Variants in MUC3A observed in about 807,000 individuals in gnomAD.
The protein encoded by MUC3A is mucin 3A, cell surface associated.
MUC3A carries 109 observed loss-of-function variants against 109.0 expected under a neutral mutation model. That is an observed-to-expected ratio of 1.00 (90% CI 0.86 to 1.17). The LOEUF is 1.17. Among genes scored for constraint, MUC3A ranks in the 50% most tolerant of loss-of-function variants. The pLI, the probability that MUC3A is intolerant of heterozygous loss-of-function variation, is 0.00. For synonymous variants in MUC3A, 1,398 were observed against 981.4 expected (o/e 1.42, Z -7.93); for missense variants, 3,537 against 2,469.4 (o/e 1.43, Z -9.16).
At chr7:100,963,115 CAGAG>C in intron 3 of MUC3A, 32 bp from the exon 4 acceptor site, 1 of 1,588,984 alleles carries the variant, frequency 6.3e-7, no homozygotes, top group South Asian at 1.1e-5. Context: ...CAAAAGCAGA[CAGAG>C]AAGTGACTGG....
chr7:100,966,375 A>G lies in MUC3A; in HGVS notation c.9612-11A>G, dbSNP rs768228689. 4 of 1,323,804 alleles carry G rather than the reference A, an allele frequency of 3.0e-6. No individual in the cohort carries two copies. Among genetic ancestry groups the G allele is most frequent in the Admixed American group, 3.1e-5 (1 of 32,334 alleles). The allele number at this position is 1,323,804 out of a possible 1,614,324, so 82.0% of individuals were successfully genotyped here. A position where few individuals can be genotyped will look rare whatever the true frequency, so the allele number is the denominator to read the frequency against. On this transcript the variant is annotated splice_polypyrimidine_tract_variant and intron_variant, in intron 8 of 11. Transcript: ENST00000379458. ...GAGGTGAAGAGGGTCTGACCCTGCG[A>G]TCTCCCGCAGCTGCTACTCCACCGA...
At chr7:100,963,069 C>A in intron 3 of MUC3A, 82 bp from the exon 4 acceptor site, 2 of 1,472,790 alleles carry the variant, frequency 1.4e-6, no homozygotes, top group Admixed American at 1.9e-5. Context: ...GCAGGAGGAG[C>A]CTGTGGGTTG....
At position 100,963,202 on chromosome 7, in the gene MUC3A, C is replaced by T. The variant is rs985748159; in HGVS notation, c.9104C>T (p.Ser3035Leu). The T allele has an allele frequency of 1.2e-5, 19 of 1,598,184 alleles. No individual in the cohort carries two copies. Among genetic ancestry groups the T allele is most frequent in the African/African-American group, 5.3e-5 (4 of 74,938 alleles). ...GMEVSVDQQFSPDLNDNTSQA... is the reference protein window; with the variant it reads ...GMEVSVDQQFLPDLNDNTSQA... Reference sequence around the variant, plus strand: ...GAAGTGTCTGTGGATCAGCAGTTCTCGCCGGACCTCAATGACAACACTTCC... The same window carrying T: ...GAAGTGTCTGTGGATCAGCAGTTCTTGCCGGACCTCAATGACAACACTTCC... The change falls in exon 4 of 12, where the codon TCG (serine) becomes TTG (leucine). Residue 3035 changes from serine to leucine, a missense_variant. By Grantham distance (145) the Ser-to-Leu change is moderately radical. Coordinates refer to ENST00000379458, the MANE Select transcript of MUC3A (RefSeq NM_005960.2).
chr7:100,963,238 G>A lies in MUC3A; in HGVS notation c.9140G>A (p.Arg3047Lys). ...AATGACAACACTTCCCAGGCCTACA[G>A]GGATTTCAACAAGACCTTCTGGAAT... ...DLNDNTSQAY[R>K]DFNKTFWNQM... Residue 3047 changes from arginine to lysine, a missense_variant, in exon 4 of 12, where the codon AGG becomes AAG. Coordinates refer to ENST00000379458, the MANE Select transcript of MUC3A (RefSeq NM_005960.2). The A allele has an allele frequency of 6.3e-7, 1 of 1,598,180 alleles. No homozygotes were observed. The highest frequency in any genetic ancestry group is 8.5e-7 in the Non-Finnish European group (1 of 1,179,664).
At position 100,958,743 on chromosome 7, in the gene MUC3A, C is replaced by A. The variant is rs758554888; in HGVS notation, c.6964C>A (p.His2322Asn). The A allele has an allele frequency of 7.0e-7, 1 of 1,435,132 alleles. No individual in the cohort carries two copies. Among genetic ancestry groups the A allele is most frequent in the Non-Finnish European group, 9.2e-7 (1 of 1,082,674 alleles). 88.9% of individuals were successfully genotyped at this position (1,435,132 alleles called of 1,614,324 possible). Reference sequence around the variant, plus strand: ...CACGGAGACCACCTCACACAGTGCTCACAGCTTCACTTCTTCGATCACCAC... The same window carrying A: ...CACGGAGACCACCTCACACAGTGCTAACAGCTTCACTTCTTCGATCACCAC... ...TTTETTSHSA[H>N]SFTSSITTTE... is the part of the protein sequence containing the mutation. The change falls in exon 2 of 12, where the codon CAC (histidine) becomes AAC (asparagine). Residue 2322 changes from histidine to asparagine, a missense_variant. Transcript: ENST00000379458.
At position 100,951,958 on chromosome 7, in the gene MUC3A, T is replaced by TC; in HGVS notation, c.184dup (p.Gln62ProfsTer23). 6.3e-7 allele frequency: 1 copy of TC among 1,598,620 alleles called. No homozygotes were observed. The highest frequency in any genetic ancestry group is 1.7e-4 in the Middle Eastern group (1 of 6,058). Reference sequence around the variant, plus strand: ...GACCTGGCTGGGTGGCCACTTGGTGTCCCCCAGCTCGCCTCTCCTGCTCCT... The same window carrying TC: ...GACCTGGCTGGGTGGCCACTTGGTGTCCCCCCAGCTCGCCTCTCCTGCTCCT... On this transcript the variant is annotated frameshift_variant, in exon 2 of 12. Transcript: ENST00000379458. LOFTEE classifies it high-confidence loss of function.
In MUC3A at chr7:100,966,438, G is replaced by A. The variant is rs1449751192; in HGVS notation, c.9664G>A (p.Val3222Ile). 2 of 1,349,072 alleles carry A rather than the reference G, an allele frequency of 1.5e-6. No homozygotes were observed. Among genetic ancestry groups the A allele is most frequent in the East Asian group, 2.8e-5 (1 of 36,138 alleles). 83.6% of individuals were successfully genotyped at this position (1,349,072 alleles called of 1,614,324 possible). ...WFSGPRCEVA[V>I]HWRALVGGLT... The stretch of plus-strand genomic sequence containing the variant: ...CTCTGGCCCGCGCTGCGAGGTGGCC[G>A]TCCACTGGAGGGCGCTGGTCGGGGG... The change falls in exon 9 of 12, where the codon GTC becomes ATC. Residue 3222 changes from valine (V) to isoleucine (I), a missense_variant. By Grantham distance (29) the Val-to-Ile change is conservative (BLOSUM62 3). Coordinates refer to ENST00000379458, the MANE Select transcript of MUC3A (RefSeq NM_005960.2).
chr7:100,962,637 CT>C (rs1393854150), intron 3 of MUC3A, among the ~76,000 whole-genome samples: 12 of 7,366 alleles, frequency 1.6e-3, no homozygotes, highest in African/African-American at 3.5e-3. Flanking sequence ...TCTCTTCTTT[CT>C]TTTCTTCTTT....
intron 5 of MUC3A, 82 bp downstream of exon 5, chr7:100,963,834 T>C (rs2116217007): frequency 6.4e-7 from 1 of 1,572,794 alleles, no homozygotes; most frequent in Non-Finnish European, 8.6e-7. Flanking sequence ...CTTTCTTTTG[T>C]AATCATCAGA....
chr7:100,966,337 G>A, intron 8 of MUC3A, 49 bp from the exon 9 acceptor site: 2 of 1,288,926 alleles, frequency 1.6e-6, no homozygotes, highest in South Asian at 3.3e-5. Context: ...TGCACGGGTG[G>A]ACCCCGAGCC....
At position 100,952,698 on chromosome 7, in the gene MUC3A, G is replaced by T; in HGVS notation, c.919G>T (p.Gly307Cys). 2.2e-6 allele frequency: 3 copies of T among 1,335,918 alleles called. No homozygotes were observed. Among genetic ancestry groups the T allele is most frequent in the East Asian group, 6.9e-5 (2 of 29,098 alleles). The allele number at this position is 1,335,918 out of a possible 1,614,324, so 82.8% of individuals were successfully genotyped here. A position where few individuals can be genotyped will look rare whatever the true frequency, so the allele number is the denominator to read the frequency against. ...PVLSTETITS[G>C]ITNTTPLSTL... ...CCTGAGCACAGAAACAATCACCAGTGGTATCACAAACACCACCCCCCTATC... is the reference window on the plus strand; with the variant it reads ...CCTGAGCACAGAAACAATCACCAGTTGTATCACAAACACCACCCCCCTATC... Residue 307 changes from glycine (G) to cysteine (C), a missense_variant, in exon 2 of 12, where the codon GGT becomes TGT. Physicochemically the swap from Gly to Cys is radical, Grantham distance 159. Transcript: ENST00000379458.
rs1056350219 is a variant in MUC3A, at chr7:100,954,612, C to T, written c.2833C>T (p.Pro945Ser). The T allele has an allele frequency of 1.7e-5, 7 of 400,156 alleles. No homozygotes were observed. Among genetic ancestry groups the T allele is most frequent in the Non-Finnish European group, 2.6e-5 (6 of 227,370 alleles). The allele number at this position is 400,156 out of a possible 1,614,324, so 24.8% of individuals were successfully genotyped here. A position where few individuals can be genotyped will look rare whatever the true frequency, so the allele number is the denominator to read the frequency against. The change falls in exon 2 of 12, where the codon CCA becomes TCA. Residue 945 changes from proline (P) to serine (S), a missense_variant. Physicochemically the swap from Pro to Ser is moderately conservative, Grantham distance 74. Transcript: ENST00000379458. Reference protein sequence around the residue: ...STLHTTVESTPSPTTTTSFTT... With the variant: ...STLHTTVESTSSPTTTTSFTT... ...ACTCCACACAACAGTTGAATCCACC[C>T]CATCACCCACTACCACCACCTCATT...
chr7:100,950,150 G>A (rs978677064), intron 1 of MUC3A, among the ~76,000 whole-genome samples: 3 of 152,162 alleles, frequency 2.0e-5, no homozygotes, highest in Non-Finnish European at 2.9e-5. Context: ...TCGGTCCTCT[G>A]GTTTCAGCCT....
chr7:100,956,505 C>G lies in MUC3A; in HGVS notation c.4726C>G (p.Pro1576Ala), dbSNP rs1563063800. The G allele has an allele frequency of 6.1e-6, 3 of 492,484 alleles. No individual in the cohort carries two copies. In the East Asian group the frequency reaches 9.7e-5, roughly 16 times the overall value. 30.5% of individuals were successfully genotyped at this position (492,484 alleles called of 1,614,324 possible). The change falls in exon 2 of 12, where the codon CCA becomes GCA. Residue 1576 changes from proline to alanine, a missense_variant. Pro to Ala is a conservative substitution (Grantham distance 27, BLOSUM62 -1). Transcript: ENST00000379458. ...GAGTACAGGTATCCCTACCTCACAA[C>G]CAACAACTATTACTCCCTCATCCGT... ...TVSTGIPTSQ[P>A]TTITPSSVGI...
In MUC3A at chr7:100,951,838, C is replaced by G; in HGVS notation, c.62-3C>G. 1 of 1,595,366 alleles carries G rather than the reference C, an allele frequency of 6.3e-7. No individual in the cohort carries two copies. Among genetic ancestry groups the G allele is most frequent in the Non-Finnish European group, 8.5e-7 (1 of 1,176,852 alleles). ...GGATTCCTCTGCTCTGCCGCCAATG[C>G]AGGAACTTTATCCACGGCCACATCC... On this transcript the variant is annotated splice_region_variant and splice_polypyrimidine_tract_variant and intron_variant, in intron 1 of 11. Transcript: ENST00000379458.
rs587733528 is a variant in MUC3A at position 100,965,860 on chromosome 7, C to A, written c.9605C>A (p.Thr3202Lys). The stretch of plus-strand genomic sequence containing the variant: ...TGCGTTCTGGAGACGAGCGGTCCCA[C>A]GTGTCGGTAAGGCCCCGCTCACCAT... ...GQCVLETSGP[T>K]CRCYSTDTHW... is the part of the protein sequence containing the mutation. The change falls in exon 8 of 12, where the codon ACG becomes AAG. Residue 3202 changes from threonine to lysine, a missense_variant. Transcript: ENST00000379458. 4.4e-6 allele frequency: 7 copies of A among 1,591,884 alleles called. No homozygotes were observed. The highest frequency in any genetic ancestry group is 4.0e-5 in the African/African-American group (3 of 74,956).
chr7:100,963,918 C>G, intron 5 of MUC3A, 166 bp downstream of exon 5: 1 of 966,624 alleles, frequency 1.0e-6, no homozygotes, highest in Non-Finnish European at 1.6e-6. Flanking sequence ...TTTCTGGGGC[C>G]ATTTATCTGG....
chr7:100,964,663 T>A (rs1420575806), intron 5 of MUC3A, 32 bp from the exon 6 acceptor site: 2 of 1,580,272 alleles, frequency 1.3e-6, no homozygotes, highest in Non-Finnish European at 1.7e-6. Context: ...TGTTCCTGGC[T>A]GGGGCACTCT....
At position 100,957,350 on chromosome 7, in the gene MUC3A, C is replaced by G. The variant is rs1363728354; in HGVS notation, c.5571C>G (p.Thr1857=). The change falls in exon 2 of 12, where the codon ACC becomes ACG. Residue 1857 remains threonine (T), a synonymous_variant. Coordinates refer to ENST00000379458, the MANE Select transcript of MUC3A (RefSeq NM_005960.2). ...TCACAGATTCCACGACCAGAACCACCTATTCCACCAATATGACAGGTACAT... is the reference window on the plus strand; with the variant it reads ...TCACAGATTCCACGACCAGAACCACGTATTCCACCAATATGACAGGTACAT... ...SALTDSTTRT[T]YSTNMTGTLS... 1.6e-6 allele frequency: 1 copy of G among 619,422 alleles called. No homozygotes were observed. The highest frequency in any genetic ancestry group is 1.9e-5 in the African/African-American group (1 of 53,340). The allele number at this position is 619,422 out of a possible 1,614,324, so 38.4% of individuals were successfully genotyped here. A position where few individuals can be genotyped will look rare whatever the true frequency, so the allele number is the denominator to read the frequency against.
Sources: gnomAD v4.1 joint callset for allele counts (sites outside exome capture counted in the v4.1 genomes callset) on GRCh38, gnomAD v4.1.1 for gene constraint, MANE v1.5 for transcripts, NCBI Gene and HGNC (gene_info 2026-07-23, HGNC 2026-07-21) for gene names.